The following ZNF473 variants were observed in gnomAD, a reference collection of about 807,000 sequenced individuals.
The protein encoded by ZNF473 is zinc finger protein 473.
In ZNF473, 4 loss-of-function variants were observed where a neutral mutation model predicts 11.1. That is an observed-to-expected ratio of 0.36 (90% confidence interval 0.18 to 0.82). The LOEUF (loss-of-function observed/expected upper bound fraction) is 0.82, where lower values mean the gene tolerates loss of function less well. Among genes scored for constraint, ZNF473 ranks in the 40% least tolerant of loss-of-function variants. ZNF473 has a pLI of 0.49. For missense variants in ZNF473, 854 were observed against 1,084.0 expected (o/e 0.79, Z 2.98); for synonymous variants, 404 against 390.4 (o/e 1.03, Z -0.41).
In ZNF473 at chr19:50,046,504, C is replaced by CT; in HGVS notation, c.2062dup (p.Tyr688LeufsTer6). On this transcript the variant is annotated frameshift_variant, in exon 5 of 5. Coordinates refer to ENST00000270617, the MANE Select transcript of ZNF473 (RefSeq NM_015428.4). LOFTEE classifies it low-confidence loss of function (END_TRUNC). The surrounding 1 kb of genome is among the most constrained non-coding windows in gnomAD (Gnocchi z 5.9). Reference sequence around the variant, plus strand: ...GTGACAGAGTCTTCACCCAGAGAAACTACCTTGTTCAGCATGAGCGAACTC... The same window carrying CT: ...GTGACAGAGTCTTCACCCAGAGAAACTTACCTTGTTCAGCATGAGCGAACTC... The CT allele has an allele frequency of 6.2e-7, 1 of 1,614,244 alleles. No homozygotes were observed. Among genetic ancestry groups the CT allele is most frequent in the Non-Finnish European group, 8.5e-7 (1 of 1,180,050 alleles).
In ZNF473 at chr19:50,045,157, C is replaced by T. The variant is rs780756249; in HGVS notation, c.714C>T (p.Val238=). 10 of 1,614,100 alleles carry T rather than the reference C, an allele frequency of 6.2e-6. No individual in the cohort carries two copies. The Admixed American group carries it at 1.5e-4, about 24-fold the overall frequency. The change falls in exon 5 of 5, where the codon GTC becomes GTT. Residue 238 remains valine (V), a synonymous_variant. Coordinates refer to ENST00000270617, the MANE Select transcript of ZNF473 (RefSeq NM_015428.4). ...WITHTREKPT[V]HQECEQGFDR... is the part of the protein sequence containing the mutation. ...CTCATACTAGGGAGAAACCCACTGT[C>T]CATCAAGAGTGTGAGCAAGGTTTTG...
chr19:50,032,800 A>G (rs1052412364), intron 2 of ZNF473, among the ~76,000 whole-genome samples: 1 of 152,212 alleles, frequency 6.6e-6, no homozygotes, highest in South Asian at 2.1e-4. Context: ...GTGTTCTGGC[A>G]GATGGTGGCC....
intron 2 of ZNF473, among the ~76,000 whole-genome samples, chr19:50,037,712 C>A (rs1011543553): frequency 6.6e-6 from 1 of 151,684 alleles, no homozygotes; most frequent in Non-Finnish European, 1.5e-5. Flanking sequence ...GTCCTAGCTA[C>A]TTGGAAGCTG....
chr19:50,030,806 C>T lies in ZNF473; in HGVS notation c.-191-86C>T, dbSNP rs953154275. The T allele has an allele frequency of 2.3e-5, 12 of 531,374 alleles. No individual in the cohort carries two copies. The Admixed American group carries it at 2.5e-4, about 11-fold the overall frequency. 32.9% of individuals were successfully genotyped at this position (531,374 alleles called of 1,614,324 possible). On this transcript the variant is annotated intron_variant, in intron 1 of 4. Coordinates refer to ENST00000270617, the MANE Select transcript of ZNF473 (RefSeq NM_015428.4). ...GGTGCTAACCCACCATTGTTGGTGG[C>T]GAAGCTGTTCTGTAGGTTCTGAAGC...
At chr19:50,033,236 G>C (rs1264815056) in intron 2 of ZNF473, among the ~76,000 whole-genome samples, 1 of 152,172 alleles carries the variant, frequency 6.6e-6, no homozygotes, top group Non-Finnish European at 1.5e-5. Flanking sequence ...TCATGGAGAA[G>C]AGGCATTTCA....
At chr19:50,040,246 C>G (rs1262885392) in intron 3 of ZNF473, among the ~76,000 whole-genome samples, 8 of 152,250 alleles carry the variant, frequency 5.3e-5, no homozygotes, top group Non-Finnish European at 1.0e-4. Flanking sequence ...TTCCAGAATT[C>G]TCTCAGGGGA....
chr19:50,047,379 C>T lies in ZNF473; in HGVS notation c.*320C>T, dbSNP rs1416230055. The T allele has an allele frequency of 3.6e-6, 1 of 276,488 alleles. No homozygotes were observed. Among genetic ancestry groups the T allele is most frequent in the African/African-American group, 2.2e-5 (1 of 46,480 alleles). 17.1% of individuals were successfully genotyped at this position (276,488 alleles called of 1,614,324 possible). ...TTATCTGTAAAATGGGCATCACCTA[C>T]CTCAGAGGGCTTTTCTGAGGATTAA... On this transcript the variant is annotated 3_prime_UTR_variant, in exon 5 of 5. Transcript: ENST00000270617.
At position 50,039,068 on chromosome 19, in the gene ZNF473, C is replaced by T; in HGVS notation, c.10-93C>T. ...GGATGGGATGGTTTTTGCCAAAGCC[C>T]TGGCAGATTGAGGGCTGGGAGTGCC... On this transcript the variant is annotated intron_variant, in intron 2 of 4. Coordinates refer to ENST00000270617, the MANE Select transcript of ZNF473 (RefSeq NM_015428.4). This position sits in a 1 kb window ranked among gnomAD's most constrained non-coding sequence, Gnocchi z 4.8. The T allele has an allele frequency of 6.5e-7, 1 of 1,534,916 alleles. No homozygotes were observed.
intron 1 of ZNF473, among the ~76,000 whole-genome samples, chr19:50,030,544 C>T (rs1234312815): frequency 6.6e-6 from 1 of 152,190 alleles, no homozygotes; most frequent in Non-Finnish European, 1.5e-5. Context: ...GCCAATTTAC[C>T]TGAACTCAAA....
At chr19:50,026,587 C>T (rs3760716) in intron 1 of ZNF473, among the ~76,000 whole-genome samples, 17,357 of 150,564 alleles carry the variant, frequency 0.12, 1,319 homozygotes, top group East Asian at 0.29. Context: ...AGAAAACCAC[C>T]TTGGGAGGCT....
chr19:50,034,410 T>G (rs189496281), intron 2 of ZNF473, among the ~76,000 whole-genome samples: 79 of 152,300 alleles, frequency 5.2e-4, no homozygotes, highest in African/African-American at 1.9e-3. Flanking sequence ...TTTAAAAAAG[T>G]TTTTTTATTG....
chr19:50,045,433 C>G lies in ZNF473; in HGVS notation c.990C>G (p.Thr330=), dbSNP rs750061868. 1 of 1,614,120 alleles carries G rather than the reference C, an allele frequency of 6.2e-7. No individual in the cohort carries two copies. The highest frequency in any genetic ancestry group is 8.5e-7 in the Non-Finnish European group (1 of 1,180,016). Residue 330 remains threonine (T), a synonymous_variant, in exon 5 of 5, where the codon ACC becomes ACG. Transcript: ENST00000270617. ...YNCNECGKAF[T]RIFHLTRHQK... ...GTAACGAATGCGGCAAGGCTTTTAC[C>G]CGGATCTTCCACCTTACTCGGCACC...
Position 50,046,003 on chromosome 19 carries a change from C to T in ZNF473, c.1560C>T (p.Cys520=), listed in dbSNP as rs376386436. The change falls in exon 5 of 5, where the codon TGC becomes TGT. Residue 520 remains cysteine (C), a synonymous_variant. Coordinates refer to ENST00000270617, the MANE Select transcript of ZNF473 (RefSeq NM_015428.4). The surrounding 1 kb of genome is among the most constrained non-coding windows in gnomAD (Gnocchi z 5.9). The part of the protein sequence containing the change: ...TVKTPYECQE[C]GERFICGSTL... ...AAACCCCATATGAATGTCAGGAGTG[C>T]GGAGAACGCTTCATTTGCGGCTCAA... 8.8e-5 allele frequency: 142 copies of T among 1,614,042 alleles called. No individual in the cohort carries two copies. The highest frequency in any genetic ancestry group is 4.7e-4 in the East Asian group (21 of 44,892).
rs9304701 is a variant in ZNF473 at position 50,047,554 on chromosome 19, C to T, written c.*495C>T. ...GTGTTTACTGTAGTTAATGTTCTTA[C>T]AATGTATCGCTTTTAATTTAAGTTT... On this transcript the variant is annotated 3_prime_UTR_variant, in exon 5 of 5. Coordinates refer to ENST00000270617, the MANE Select transcript of ZNF473 (RefSeq NM_015428.4). 7,997 of 154,078 alleles carry T rather than the reference C, an allele frequency of 0.052. 693 individuals are homozygous for T. The highest frequency in any genetic ancestry group is 0.18 in the African/African-American group (7,591 of 41,538). 9.5% of individuals were successfully genotyped at this position (154,078 alleles called of 1,614,324 possible).
In ZNF473 at chr19:50,030,875, G is replaced by A; in HGVS notation, c.-191-17G>A. On this transcript the variant is annotated splice_polypyrimidine_tract_variant and intron_variant, in intron 1 of 4. Transcript: ENST00000270617. Reference sequence around the variant, plus strand: ...TGAGGTGGCTTCAGTAAATATAGTTGTTGTTGTCCCCTGCAGGGAGACTCA... The same window carrying A: ...TGAGGTGGCTTCAGTAAATATAGTTATTGTTGTCCCCTGCAGGGAGACTCA... The A allele has an allele frequency of 1.5e-6, 1 of 662,554 alleles. No individual in the cohort carries two copies. The highest frequency in any genetic ancestry group is 1.8e-5 in the South Asian group (1 of 55,800). The allele number at this position is 662,554 out of a possible 1,614,324, so 41.0% of individuals were successfully genotyped here.
rs1978657471 is a variant in ZNF473 at position 50,039,500 on chromosome 19, T to C, written c.136+213T>C. Among the ~76,000 whole-genome samples, 1 of 152,252 alleles carries C rather than the reference T, an allele frequency of 6.6e-6. No homozygotes were observed. The highest frequency in any genetic ancestry group is 1.5e-5 in the Non-Finnish European group (1 of 68,042). On this transcript the variant is annotated intron_variant, in intron 3 of 4. Coordinates refer to ENST00000270617, the MANE Select transcript of ZNF473 (RefSeq NM_015428.4). This position sits in a 1 kb window ranked among gnomAD's most constrained non-coding sequence, Gnocchi z 4.8. Reference sequence around the variant, plus strand: ...GGGCCAGCGCAGCGTGCCGCTAGCATCTAGCTGGTGGAACCAAGGGAGGCT... The same window carrying C: ...GGGCCAGCGCAGCGTGCCGCTAGCACCTAGCTGGTGGAACCAAGGGAGGCT...
chr19:50,039,363 G>A lies in ZNF473; in HGVS notation c.136+76G>A, dbSNP rs577767514. ...ACCCATGCTCTCTACCACCCACAGGGTGAAGTCCTGGCTCCTGGGCTCCTC... is the reference window on the plus strand; with the variant it reads ...ACCCATGCTCTCTACCACCCACAGGATGAAGTCCTGGCTCCTGGGCTCCTC... On this transcript the variant is annotated intron_variant, in intron 3 of 4. Transcript: ENST00000270617. This position sits in a 1 kb window ranked among gnomAD's most constrained non-coding sequence, Gnocchi z 4.8. 2 of 1,577,284 alleles carry A rather than the reference G, an allele frequency of 1.3e-6. No homozygotes were observed. Among genetic ancestry groups the A allele is most frequent in the Non-Finnish European group, 8.6e-7 (1 of 1,156,240 alleles).
In ZNF473 at chr19:50,039,406, GC is replaced by G; in HGVS notation, c.136+122del. On this transcript the variant is annotated intron_variant, in intron 3 of 4. Transcript: ENST00000270617. The surrounding 1 kb of genome is among the most constrained non-coding windows in gnomAD (Gnocchi z 4.8). ...GGCTCCTCAGAATCAGCATGACCTAGCCCAGCAGTTCTCAGCTGGCCGAGGA... is the reference window on the plus strand; with the variant it reads ...GGCTCCTCAGAATCAGCATGACCTAGCCAGCAGTTCTCAGCTGGCCGAGGA... 7.4e-7 allele frequency: 1 copy of G among 1,358,794 alleles called. No homozygotes were observed. The highest frequency in any genetic ancestry group is 1.0e-6 in the Non-Finnish European group (1 of 994,684). 84.2% of individuals were successfully genotyped at this position (1,358,794 alleles called of 1,614,324 possible). A position where few individuals can be genotyped will look rare whatever the true frequency, so the allele number is the denominator to read the frequency against.
At chr19:50,042,039 A>G in intron 4 of ZNF473, 1 of 406,308 alleles carries the variant, frequency 2.5e-6, no homozygotes, top group Non-Finnish European at 4.5e-6. Context: ...CTTGCCCTTC[A>G]GCACAGGGTT....
Sources: allele counts gnomAD v4.1 joint callset (sites outside exome capture counted in the v4.1 genomes callset), GRCh38; gene constraint gnomAD v4.1.1; non-coding constraint Gnocchi (gnomAD v3.1); transcripts MANE v1.5; gene names NCBI Gene and HGNC (gene_info 2026-07-23, HGNC 2026-07-21).